The following LRP2 variants were observed in gnomAD, a reference collection of about 807,000 sequenced individuals.
LRP2 encodes the protein LDL receptor related protein 2.
Under a neutral mutation model 531.0 loss-of-function variants are expected in LRP2, and 172 were observed. The ratio of observed to expected loss-of-function variants is 0.32; its 90% CI spans 0.29 to 0.37. LRP2 has a LOEUF of 0.37. LRP2 is among the 10% of genes least tolerant of loss of function. The pLI is 1.00. For missense variants in LRP2, 5,167 were observed against 5,868.3 expected (o/e 0.88, Z 3.90); for synonymous variants, 1,992 against 2,027.6 (o/e 0.98, Z 0.47).
Position 169,226,446 on chromosome 2 carries a change from T to C in LRP2, c.5370A>G (p.Gln1790=), listed in dbSNP as rs201155152. 2.0e-4 allele frequency: 320 copies of C among 1,613,516 alleles called. No homozygotes were observed. The highest frequency in any genetic ancestry group is 2.4e-4 in the Non-Finnish European group (278 of 1,179,670). Residue 1790 remains glutamine, a synonymous_variant, in exon 32 of 79, where the codon CAA becomes CAG. Coordinates refer to ENST00000649046, the MANE Select transcript of LRP2 (RefSeq NM_004525.3). ...GLDVEFDDAE[Q]YIYWVENPGE... is the part of the protein sequence containing the mutation. ...CTGGATTTTCAACCCAATAGATGTATTGCTCAGCATCATCAAATTCAACAT... is the reference window on the plus strand; with the variant it reads ...CTGGATTTTCAACCCAATAGATGTACTGCTCAGCATCATCAAATTCAACAT...
At chr2:169,229,677 A>G (rs1283592521) in intron 31 of LRP2, among the ~76,000 whole-genome samples, 1 of 152,234 alleles carries the variant, frequency 6.6e-6, no homozygotes, top group Non-Finnish European at 1.5e-5. Flanking sequence ...AGAAATAAGT[A>G]GAACCATCTC....
chr2:169,164,778 C>T (rs186094500), intron 62 of LRP2, among the ~76,000 whole-genome samples: 414 of 152,292 alleles, frequency 2.7e-3, no homozygotes, highest in Non-Finnish European at 4.7e-3. Flanking sequence ...GACTAAAACC[C>T]TGTTCCTTGA....
chr2:169,338,605 T>C (rs1685485320), intron 1 of LRP2, among the ~76,000 whole-genome samples: 1 of 152,230 alleles, frequency 6.6e-6, no homozygotes, highest in African/African-American at 2.4e-5. Flanking sequence ...ATTCAACTAC[T>C]GTTACATATG....
chr2:169,243,737 G>A (rs946269325), intron 22 of LRP2, among the ~76,000 whole-genome samples: 2 of 152,216 alleles, frequency 1.3e-5, no homozygotes, highest in Admixed American at 1.3e-4. Context: ...ACAGGGCAGA[G>A]TCAGAAACTG....
Position 169,206,111 on chromosome 2 carries a change from T to G in LRP2, c.7468A>C (p.Ile2490Leu), listed in dbSNP as rs373631730. 1 of 1,614,100 alleles carries G rather than the reference T, an allele frequency of 6.2e-7. No homozygotes were observed. Among genetic ancestry groups the G allele is most frequent in the Non-Finnish European group, 8.5e-7 (1 of 1,180,050 alleles). ...GACCCATCTTCAGCCATGGAATTAA[T>G]CATCTGGTTGAGGTAGTCACTGTAA... ...IYYSDYLNQMINSMAEDGSNR... is the reference protein window; with the variant it reads ...IYYSDYLNQMLNSMAEDGSNR... The change falls in exon 40 of 79, where the codon ATT becomes CTT. Residue 2490 changes from isoleucine (I) to leucine (L), a missense_variant. By Grantham distance (5) the Ile-to-Leu change is conservative. Transcript: ENST00000649046.
chr2:169,324,179 T>C (rs1391550244), intron 1 of LRP2, among the ~76,000 whole-genome samples: 3 of 152,178 alleles, frequency 2.0e-5, no homozygotes, highest in African/African-American at 7.2e-5. Context: ...ATAAATAAAT[T>C]GAAGCACAGA....
chr2:169,279,040 T>C lies in LRP2; in HGVS notation c.1565+332A>G, dbSNP rs114774661. Among the ~76,000 whole-genome samples, 3,088 of 152,296 alleles carry C rather than the reference T, an allele frequency of 0.02. 119 individuals carry two copies. Among genetic ancestry groups the C allele is most frequent in the African/African-American group, 0.071 (2,947 of 41,564 alleles). ...AAGCATAAGTGATGTTTAGTTGTAATAATATTATTAGATTGAGTTAGAACA... is the reference window on the plus strand; with the variant it reads ...AAGCATAAGTGATGTTTAGTTGTAACAATATTATTAGATTGAGTTAGAACA... On this transcript the variant is annotated intron_variant, in intron 12 of 78. Transcript: ENST00000649046.
intron 38 of LRP2, among the ~76,000 whole-genome samples, chr2:169,208,225 T>C (rs950000143): frequency 1.8e-4 from 28 of 152,290 alleles, no homozygotes; most frequent in African/African-American, 5.8e-4. Context: ...ATAGCTGTGT[T>C]ACAATAAAAC....
chr2:169,325,225 A>C (rs546796093), intron 1 of LRP2, among the ~76,000 whole-genome samples: 1 of 152,302 alleles, frequency 6.6e-6, no homozygotes, highest in South Asian at 2.1e-4. Flanking sequence ...AGAGTAAGGT[A>C]ATTTCTGTGG....
intron 76 of LRP2, among the ~76,000 whole-genome samples, chr2:169,135,087 C>T (rs1685448664): frequency 6.6e-6 from 1 of 152,148 alleles, no homozygotes; most frequent in African/African-American, 2.4e-5. Flanking sequence ...CCTCACAGGC[C>T]CATTCTATTC....
chr2:169,202,737 C>T lies in LRP2; in HGVS notation c.8209+19G>A, dbSNP rs17848170. 951 of 1,613,466 alleles carry T rather than the reference C, an allele frequency of 5.9e-4. 5 individuals are homozygous for T. The East Asian group carries it at 0.018, about 30-fold the overall frequency. ...AGATGCCATTAGCTCCTACCAAAAG[C>T]GCCAAGAGTCCAACTCACCACAGAC... On this transcript the variant is annotated intron_variant, in intron 43 of 78. Transcript: ENST00000649046.
chr2:169,288,061 T>C (rs1211659644), intron 9 of LRP2, among the ~76,000 whole-genome samples: 2 of 152,154 alleles, frequency 1.3e-5, no homozygotes, highest in African/African-American at 4.8e-5. Flanking sequence ...TACCAAATTT[T>C]AATGAATAGT....
rs1686389278 is a variant in LRP2 at position 169,157,804 on chromosome 2, T to C, written c.11888-302A>G. On this transcript the variant is annotated intron_variant, in intron 63 of 78. Transcript: ENST00000649046. ...TTCTGGACTGCACAACTATGAAGCC[T>C]GACACTCTACAGCTATTACCACCTG... Among the ~76,000 whole-genome samples the C allele has an allele frequency of 1.3e-5, 2 of 151,956 alleles. 1 individual carries two copies.
At chr2:169,182,503 G>A in intron 50 of LRP2, 184 bp from the exon 51 acceptor site, 1 of 1,482,386 alleles carries the variant, frequency 6.7e-7, no homozygotes, top group Admixed American at 2.1e-5. Flanking sequence ...GCAACAGAGG[G>A]TGCAAGACTG....
rs575761733 is a variant in LRP2, at chr2:169,328,457, A to G, written c.80-7573T>C. ...GGGCCGGGATAAAAAAAAAAAAAAA[A>G]AAAAAAAGAAAAAAAAAGAAATAAA... On this transcript the variant is annotated intron_variant, in intron 1 of 78. Coordinates refer to ENST00000649046, the MANE Select transcript of LRP2 (RefSeq NM_004525.3). Among the ~76,000 whole-genome samples the G allele has an allele frequency of 4.9e-4, 72 of 147,124 alleles. 2 individuals are homozygous for G. The East Asian group carries it at 8.0e-3, about 16-fold the overall frequency.
At chr2:169,141,101 T>C (rs562096471) in intron 71 of LRP2, among the ~76,000 whole-genome samples, 1 of 152,324 alleles carries the variant, frequency 6.6e-6, no homozygotes, top group Non-Finnish European at 1.5e-5. Context: ...GGCCTGTACA[T>C]ACTCCCAGGA....
intron 45 of LRP2, among the ~76,000 whole-genome samples, chr2:169,197,505 T>A (rs1350313030): frequency 6.6e-5 from 10 of 152,250 alleles, no homozygotes; most frequent in Admixed American, 6.5e-4. Flanking sequence ...TATTCATCCT[T>A]GGAATACCAG....
At chr2:169,223,359 T>G (rs964000369) in intron 33 of LRP2, among the ~76,000 whole-genome samples, 4 of 152,168 alleles carry the variant, frequency 2.6e-5, no homozygotes, top group Admixed American at 2.6e-4. Flanking sequence ...TTTGGAAAAC[T>G]ATCAGTTTAA....
chr2:169,206,251 T>G, intron 39 of LRP2, 63 bp from the exon 40 acceptor site: 1 of 1,611,796 alleles, frequency 6.2e-7, no homozygotes, highest in Non-Finnish European at 8.5e-7. Flanking sequence ...CTCATATGCA[T>G]TAGAAACACT....
Sources: allele counts gnomAD v4.1 joint callset (sites outside exome capture counted in the v4.1 genomes callset), GRCh38; gene constraint gnomAD v4.1.1; transcripts MANE v1.5; gene names NCBI Gene and HGNC (gene_info 2026-07-23, HGNC 2026-07-21).